The following FRAS1 variants were observed in gnomAD, a reference collection of about 807,000 sequenced individuals.
FRAS1 encodes extracellular matrix organizing protein FRAS1.
FRAS1 carries 290 observed loss-of-function variants against 435.2 expected under a neutral mutation model. The observed-to-expected ratio is 0.67, with a 90% CI of 0.61 to 0.73. The LOEUF is 0.73. FRAS1 is among the 30% of genes least tolerant of loss of function. The pLI, the probability that FRAS1 is intolerant of heterozygous loss-of-function variation, is 0.00. For synonymous variants in FRAS1, 1,800 were observed against 1,851.0 expected (o/e 0.97, Z 0.71); for missense variants, 4,860 against 5,001.5 (o/e 0.97, Z 0.85).
intron 2 of FRAS1, among the ~76,000 whole-genome samples, chr4:78,120,055 G>A (rs1050899318): frequency 6.6e-6 from 1 of 152,126 alleles, no homozygotes; most frequent in Non-Finnish European, 1.5e-5. Flanking sequence ...TCAGATCTAT[G>A]GGGAGAATTT....
At chr4:78,217,849 C>T (rs1445202025) in intron 2 of FRAS1, among the ~76,000 whole-genome samples, 2 of 72,624 alleles carry the variant, frequency 2.8e-5, no homozygotes, top group African/African-American at 1.1e-4. Flanking sequence ...CTCCTCTCTT[C>T]CCCTCCCCTT....
chr4:78,403,232 A>G (rs1732969883), intron 30 of FRAS1, among the ~76,000 whole-genome samples: 2 of 152,206 alleles, frequency 1.3e-5, no homozygotes, highest in African/African-American at 4.8e-5. Context: ...AGAAACAACC[A>G]ATATTCCATT....
rs779749121 is a variant in FRAS1, at chr4:78,364,054, C to T, written c.2722C>T (p.Pro908Ser). 15 of 1,577,998 alleles carry T rather than the reference C, an allele frequency of 9.5e-6. No homozygotes were observed. The highest frequency in any genetic ancestry group is 3.7e-5 in the Admixed American group (2 of 54,020). Residue 908 changes from proline to serine, a missense_variant and splice_region_variant, in exon 22 of 74, where the codon CCA becomes TCA. Physicochemically the swap from Pro to Ser is moderately conservative, Grantham distance 74. Coordinates refer to ENST00000512123, the MANE Select transcript of FRAS1 (RefSeq NM_025074.7). ...HYLDDNHVCQ[P>S]CNTHCGSCDS... ...TCTTGATGACAATCATGTTTGCCAGCGTAGGTTTTTCCAATGAACCTTCTC... is the reference window on the plus strand; with the variant it reads ...TCTTGATGACAATCATGTTTGCCAGTGTAGGTTTTTCCAATGAACCTTCTC...
At position 78,199,480 on chromosome 4, in the gene FRAS1, A is replaced by T. The variant is rs908716420; in HGVS notation, c.109-38030A>T. 2.0e-5 allele frequency among the ~76,000 whole-genome samples: 3 copies of T among 152,282 alleles called. No individual in the cohort carries two copies. The East Asian group carries it at 5.8e-4, about 29-fold the overall frequency. On this transcript the variant is annotated intron_variant, in intron 2 of 73. Transcript: ENST00000512123. ...AAATGAATTCTTTGGGGGTTGGGGG[A>T]TACTAATGTAAGGCATTTGTCTACA...
At chr4:78,470,236 C>A in intron 51 of FRAS1, 145 bp downstream of exon 51, 1 of 615,550 alleles carries the variant, frequency 1.6e-6, no homozygotes, top group Non-Finnish European at 2.9e-6. Flanking sequence ...TTAGTGAGCT[C>A]CGTGAGTTTG....
At chr4:78,423,685 A>G (rs1357629731) in intron 34 of FRAS1, among the ~76,000 whole-genome samples, 5 of 152,220 alleles carry the variant, frequency 3.3e-5, no homozygotes, top group African/African-American at 1.2e-4. Context: ...TAACTCCTCA[A>G]TTAGATTGAA....
rs114686075 is a variant in FRAS1 at position 78,136,573 on chromosome 4, C to G, written c.108+70557C>G. Among the ~76,000 whole-genome samples the G allele has an allele frequency of 4.7e-3, 721 of 152,256 alleles. 5 individuals carry two copies. The highest frequency in any genetic ancestry group is 0.017 in the African/African-American group (688 of 41,546). The stretch of plus-strand genomic sequence containing the variant: ...GATTATAACACTTTAGAGTTGGAAG[C>G]AACTTTAGACAGCACGCAGTCTAAT... On this transcript the variant is annotated intron_variant, in intron 2 of 73. Coordinates refer to ENST00000512123, the MANE Select transcript of FRAS1 (RefSeq NM_025074.7).
At chr4:78,096,832 C>T (rs4298158) in intron 2 of FRAS1, among the ~76,000 whole-genome samples, 138,906 of 152,286 alleles carry the variant, frequency 0.91, 63,524 homozygotes, top group Admixed American at 0.95. Context: ...ACCTCTGATA[C>T]GCCCTGGAGA....
chr4:78,253,814 A>G (rs977916470), intron 5 of FRAS1, among the ~76,000 whole-genome samples: 5 of 152,186 alleles, frequency 3.3e-5, no homozygotes, highest in African/African-American at 1.2e-4. Flanking sequence ...ATCCTTTGAT[A>G]TGATTCCATA....
In FRAS1 at chr4:78,363,678, T is replaced by C; in HGVS notation, c.2575+13T>C. 1.3e-6 allele frequency: 2 copies of C among 1,572,258 alleles called. No homozygotes were observed. Among genetic ancestry groups the C allele is most frequent in the Non-Finnish European group, 8.6e-7 (1 of 1,158,554 alleles). On this transcript the variant is annotated intron_variant, in intron 21 of 73. Coordinates refer to ENST00000512123, the MANE Select transcript of FRAS1 (RefSeq NM_025074.7). ...GGAGCTTGTAAAAGTGAGTAAGTGC[T>C]GGACTCAGGAGCTGGAGCTGCCACC...
chr4:78,347,458 A>G (rs961728197), intron 20 of FRAS1, among the ~76,000 whole-genome samples: 2 of 152,102 alleles, frequency 1.3e-5, no homozygotes, highest in Non-Finnish European at 2.9e-5. Flanking sequence ...ATGCCTTCCC[A>G]TTGCCCATTG....
Position 78,278,699 on chromosome 4 carries a change from C to T in FRAS1, c.1026C>T (p.Cys342=). ...IHLDGKCCPE[C]ISRNGYCVYE... is the part of the protein sequence containing the mutation. ...TAGATGGAAAGTGTTGTCCTGAATG[C>T]ATTTCAAGGAATGGTTATTGTGTTT... Residue 342 remains cysteine, a synonymous_variant, in exon 10 of 74, where the codon TGC becomes TGT. Coordinates refer to ENST00000512123, the MANE Select transcript of FRAS1 (RefSeq NM_025074.7). The T allele has an allele frequency of 6.2e-7, 1 of 1,607,262 alleles. No homozygotes were observed. The highest frequency in any genetic ancestry group is 8.5e-7 in the Non-Finnish European group (1 of 1,174,472).
chr4:78,532,567 A>G (rs1047134271), intron 70 of FRAS1, among the ~76,000 whole-genome samples: 2 of 152,198 alleles, frequency 1.3e-5, no homozygotes, highest in African/African-American at 4.8e-5. Flanking sequence ...TGTCCAGTAC[A>G]TAATATTATT....
intron 25 of FRAS1, 68 bp from the exon 26 acceptor site, chr4:78,375,671 A>G: frequency 7.2e-7 from 1 of 1,394,452 alleles, no homozygotes; most frequent in Non-Finnish European, 9.6e-7. Flanking sequence ...TCTGGTTGCA[A>G]GCCCTTTATT....
At chr4:78,185,930 G>C (rs1722249617) in intron 2 of FRAS1, among the ~76,000 whole-genome samples, 1 of 152,100 alleles carries the variant, frequency 6.6e-6, no homozygotes, top group African/African-American at 2.4e-5. Context: ...TATCCTCTTT[G>C]CTGACCCTTT....
chr4:78,286,355 C>T (rs1178578099), intron 13 of FRAS1, 50 bp from the exon 14 acceptor site: 1 of 1,609,008 alleles, frequency 6.2e-7, no homozygotes, highest in East Asian at 2.2e-5. Context: ...TGGTGTCTTT[C>T]AGCTAATCAA....
At chr4:78,360,722 G>C (rs914672433) in intron 20 of FRAS1, among the ~76,000 whole-genome samples, 7 of 152,162 alleles carry the variant, frequency 4.6e-5, no homozygotes, top group Admixed American at 4.6e-4. Context: ...GCACTGCTGG[G>C]TGAGGGGGAA....
chr4:78,122,171 C>T (rs1371114843), intron 2 of FRAS1, among the ~76,000 whole-genome samples: 1 of 152,106 alleles, frequency 6.6e-6, no homozygotes, highest in Non-Finnish European at 1.5e-5. Context: ...GTTCCCTTCC[C>T]TGTGTCCATG....
intron 33 of FRAS1, among the ~76,000 whole-genome samples, chr4:78,420,288 G>A (rs2110369965): frequency 6.6e-6 from 1 of 152,298 alleles, no homozygotes; most frequent in South Asian, 2.1e-4. Context: ...CCTCACCTTT[G>A]TAATCTGCTA....
Sources: allele counts gnomAD v4.1 joint callset (sites outside exome capture counted in the v4.1 genomes callset), GRCh38; gene constraint gnomAD v4.1.1; transcripts MANE v1.5; gene names NCBI Gene and HGNC (gene_info 2026-07-23, HGNC 2026-07-21).